Variants in LAMA5 observed in about 807,000 individuals in gnomAD.
LAMA5 encodes the protein laminin subunit alpha 5, also known as laminin subunit alpha-5.
Under a neutral mutation model 433.4 loss-of-function variants are expected in LAMA5, and 260 were observed. The ratio of observed to expected loss-of-function variants is 0.60; its 90% CI spans 0.54 to 0.66. The LOEUF is 0.66. Among genes scored for constraint, LAMA5 ranks in the 30% least tolerant of loss-of-function variants. The probability of loss-of-function intolerance (pLI) is 0.00; values close to 1 mark genes in which losing one functional copy is unlikely to be tolerated. For missense variants in LAMA5, 5,378 were observed against 5,258.5 expected (o/e 1.02, Z -0.70); for synonymous variants, 2,620 against 2,226.6 (o/e 1.18, Z -4.97).
intron 11 of LAMA5, among the ~76,000 whole-genome samples, chr20:62,344,540 C>G (rs963996486): frequency 2.6e-5 from 4 of 151,992 alleles, no homozygotes; most frequent in African/African-American, 4.8e-5. Context: ...CTCACTGCAA[C>G]CAGGTTCAAA....
intron 2 of LAMA5, among the ~76,000 whole-genome samples, chr20:62,360,108 C>A (rs964742956): frequency 6.6e-5 from 10 of 151,096 alleles, no homozygotes; most frequent in African/African-American, 1.9e-4. Flanking sequence ...TTCCCCACCC[C>A]ACTCCAGGGA....
Position 62,311,757 on chromosome 20 carries a change from G to C in LAMA5, c.9663C>G (p.Leu3221=), listed in dbSNP as rs1166220798. 1.9e-6 allele frequency: 3 copies of C among 1,561,466 alleles called. No individual in the cohort carries two copies. Among genetic ancestry groups the C allele is most frequent in the African/African-American group, 1.4e-5 (1 of 73,682 alleles). ...TGVWLYVDDQ[L]QQMKPHRGPP... is the part of the protein sequence containing the mutation. ...GTCCCCGGTGGGGCTTCATCTGCTG[G>C]AGCTGGTCATCGACATACAGCCAGA... The change falls in exon 71 of 80, where the codon CTC becomes CTG. Residue 3221 remains leucine, a synonymous_variant. Coordinates refer to ENST00000252999, the MANE Select transcript of LAMA5 (RefSeq NM_005560.6).
At position 62,313,911 on chromosome 20, in the gene LAMA5, G is replaced by A. The variant is rs545391688; in HGVS notation, c.8505-109C>T. 1.5e-4 allele frequency: 148 copies of A among 999,220 alleles called. No homozygotes were observed. In the East Asian group the frequency reaches 3.8e-3, roughly 26 times the overall value. The allele number at this position is 999,220 out of a possible 1,614,324, so 61.9% of individuals were successfully genotyped here. A position where few individuals can be genotyped will look rare whatever the true frequency, so the allele number is the denominator to read the frequency against. Reference sequence around the variant, plus strand: ...TGGGCACGGAGAGATGAGGGGTGGCGAGTGGGCACGGAGAGACGAGGGGTG... The same window carrying A: ...TGGGCACGGAGAGATGAGGGGTGGCAAGTGGGCACGGAGAGACGAGGGGTG... On this transcript the variant is annotated intron_variant, in intron 62 of 79. Transcript: ENST00000252999.
rs767176285 is a variant in LAMA5, at chr20:62,311,091, G to A, written c.10092C>T (p.Pro3364=). The A allele has an allele frequency of 6.3e-6, 10 of 1,575,076 alleles. No homozygotes were observed. The highest frequency in any genetic ancestry group is 7.8e-6 in the Non-Finnish European group (9 of 1,158,820). The change falls in exon 74 of 80, where the codon CCC becomes CCT. Residue 3364 remains proline, a synonymous_variant. Transcript: ENST00000252999. Reference sequence around the variant, plus strand: ...GCGGGAGGACGTGCATGGAGAGACTGGGCCTGGAAGCGGAGCTGGCGTCAG... The same window carrying A: ...GCGGGAGGACGTGCATGGAGAGACTAGGCCTGGAAGCGGAGCTGGCGTCAG... ...VGILARHRNW[P]SLSMHVLPRS...
At chr20:62,357,842 C>A (rs184638952) in intron 2 of LAMA5, among the ~76,000 whole-genome samples, 1 of 152,202 alleles carries the variant, frequency 6.6e-6, no homozygotes, top group Non-Finnish European at 1.5e-5. Context: ...CGCACCTCAA[C>A]AGAGCTGGGC....
intron 11 of LAMA5, among the ~76,000 whole-genome samples, chr20:62,344,818 A>G (rs1426383109): frequency 6.6e-6 from 1 of 151,898 alleles, no homozygotes; most frequent in Non-Finnish European, 1.5e-5. Context: ...TAGATTTCCA[A>G]CCACTGGGGG....
intron 28 of LAMA5, among the ~76,000 whole-genome samples, chr20:62,332,051 C>CA (rs1160149059): frequency 0.014 from 1,597 of 113,156 alleles, 15 homozygotes; most frequent in East Asian, 0.046. Flanking sequence ...GACTCCATTT[C>CA]AAAAAAAAAA....
Position 62,346,231 on chromosome 20 carries a change from A to T in LAMA5, c.1283-16T>A. 1 of 1,606,394 alleles carries T rather than the reference A, an allele frequency of 6.2e-7. No individual in the cohort carries two copies. ...CAGTTGCAGCCTGGGCAGGGGCAGGAGCCGGGTAAGCCTGGAGCTACCAGG... is the reference window on the plus strand; with the variant it reads ...CAGTTGCAGCCTGGGCAGGGGCAGGTGCCGGGTAAGCCTGGAGCTACCAGG... On this transcript the variant is annotated splice_polypyrimidine_tract_variant and intron_variant, in intron 9 of 79. Transcript: ENST00000252999.
chr20:62,359,303 C>T lies in LAMA5; in HGVS notation c.450+3097G>A, dbSNP rs543560208. ...AGAGGGAGGGGACACAGGCCAGAGC[C>T]AGCCCCACTCACCCTGCCCAGCTCC... On this transcript the variant is annotated intron_variant, in intron 2 of 79. Transcript: ENST00000252999. The surrounding 1 kb of genome is among the most constrained non-coding windows in gnomAD (Gnocchi z 4.3). Among the ~76,000 whole-genome samples, 1 of 152,332 alleles carries T rather than the reference C, an allele frequency of 6.6e-6. No individual in the cohort carries two copies. Among genetic ancestry groups the T allele is most frequent in the Non-Finnish European group, 1.5e-5 (1 of 68,024 alleles).
In LAMA5 at chr20:62,326,690, A is replaced by T. The variant is rs573932927; in HGVS notation, c.5285T>A (p.Leu1762Gln). 2 of 1,612,150 alleles carry T rather than the reference A, an allele frequency of 1.2e-6. No homozygotes were observed. The highest frequency in any genetic ancestry group is 1.7e-6 in the Non-Finnish European group (2 of 1,179,456). The stretch of plus-strand genomic sequence containing the variant: ...AGCTCCCCTCACCTCCACCAGCTGC[A>T]GCTGCCCACGGTGAACGTGGCCAGG... ...PTPGHVHRGQ[L>Q]QLVEGNFRHT... Residue 1762 changes from leucine (L) to glutamine (Q), a missense_variant, in exon 40 of 80, where the codon CTG becomes CAG. By Grantham distance (113) the Leu-to-Gln change is moderately radical (BLOSUM62 -2). Coordinates refer to ENST00000252999, the MANE Select transcript of LAMA5 (RefSeq NM_005560.6).
chr20:62,348,028 C>T (rs1052365938), intron 6 of LAMA5, among the ~76,000 whole-genome samples: 4 of 152,220 alleles, frequency 2.6e-5, no homozygotes, highest in Non-Finnish European at 5.9e-5. Flanking sequence ...CCCCAAGTAC[C>T]TATAAGCAAG....
rs1420673359 is a variant in LAMA5, at chr20:62,328,261, G to A, written c.4632C>T (p.Asp1544=). 3 of 1,607,288 alleles carry A rather than the reference G, an allele frequency of 1.9e-6. No homozygotes were observed. The highest frequency in any genetic ancestry group is 2.5e-6 in the Non-Finnish European group (3 of 1,177,506). ...GIQELTDPTC[D]TDSGQCKCRP... ...CTCACTTGCACTGGCCGCTGTCTGTGTCACAGGTAGGGTCTGTGAGCTCCT... is the reference window on the plus strand; with the variant it reads ...CTCACTTGCACTGGCCGCTGTCTGTATCACAGGTAGGGTCTGTGAGCTCCT... The change falls in exon 35 of 80, where the codon GAC becomes GAT. Residue 1544 remains aspartate (D), a synonymous_variant. Coordinates refer to ENST00000252999, the MANE Select transcript of LAMA5 (RefSeq NM_005560.6).
rs752312265 is a variant in LAMA5, at chr20:62,327,947, G to A, written c.4716C>T (p.Pro1572=). 1 of 1,612,578 alleles carries A rather than the reference G, an allele frequency of 6.2e-7. No homozygotes were observed. Among genetic ancestry groups the A allele is most frequent in the Non-Finnish European group, 8.5e-7 (1 of 1,179,938 alleles). ...DTCSPGFHGY[P]RCRPCDCHEA... is the part of the protein sequence containing the mutation. ...CGTGACAGTCACAGGGGCGGCAGCG[G>A]GGGTAGCCATGGAAGCCCGGAGAGC... Residue 1572 remains proline (P), a synonymous_variant, in exon 36 of 80, where the codon CCC becomes CCT. Coordinates refer to ENST00000252999, the MANE Select transcript of LAMA5 (RefSeq NM_005560.6).
At position 62,309,788 on chromosome 20, in the gene LAMA5, T is replaced by A. The variant is rs151158156; in HGVS notation, c.10876A>T (p.Asn3626Tyr). The A allele has an allele frequency of 1.2e-6, 2 of 1,609,134 alleles. No individual in the cohort carries two copies. Among genetic ancestry groups the A allele is most frequent in the African/African-American group, 2.7e-5 (2 of 74,588 alleles). The change falls in exon 79 of 80, where the codon AAC (asparagine) becomes TAC (tyrosine). Residue 3626 changes from asparagine to tyrosine, a missense_variant. Coordinates refer to ENST00000252999, the MANE Select transcript of LAMA5 (RefSeq NM_005560.6). Reference protein sequence around the residue: ...VLRLEVDAQSNHTVGPLLAAA... With the variant: ...VLRLEVDAQSYHTVGPLLAAA... ...GCCAGCAAGGGGCCCACGGTGTGGT[T>A]GCTCTGCGCGTCCACCTCCAGCCGG...
Position 62,359,687 on chromosome 20 carries a change from C to T in LAMA5, c.450+2713G>A, listed in dbSNP as rs1985745837. Among the ~76,000 whole-genome samples, 1 of 152,026 alleles carries T rather than the reference C, an allele frequency of 6.6e-6. No homozygotes were observed. Among genetic ancestry groups the T allele is most frequent in the African/African-American group, 2.4e-5 (1 of 41,374 alleles). On this transcript the variant is annotated intron_variant, in intron 2 of 79. Coordinates refer to ENST00000252999, the MANE Select transcript of LAMA5 (RefSeq NM_005560.6). The surrounding 1 kb of genome is among the most constrained non-coding windows in gnomAD (Gnocchi z 4.3). The stretch of plus-strand genomic sequence containing the variant: ...AGCGCTGGAGCCTCTTCCTGAGGCC[C>T]CACCCTTGGAGAGAGAACCCCTCCA...
chr20:62,327,340 GCTGCCGCTCGTGGGGCACCAC>G lies in LAMA5; in HGVS notation c.4984_5004del (p.Val1662_Gln1668del), dbSNP rs748593355. On this transcript the variant is annotated inframe_deletion, in exon 38 of 80. Coordinates refer to ENST00000252999, the MANE Select transcript of LAMA5 (RefSeq NM_005560.6). ...TCTGCACGGAGCATCTCCGTCCCTGGCTGCCGCTCGTGGGGCACCACCTGCCGGTCAGTGCTCAGCAGCACC... is the reference window on the plus strand; with the variant it reads ...TCTGCACGGAGCATCTCCGTCCCTGGCTGCCGGTCAGTGCTCAGCAGCACC... The G allele has an allele frequency of 8.1e-6, 13 of 1,601,604 alleles. No individual in the cohort carries two copies. Among genetic ancestry groups the G allele is most frequent in the Non-Finnish European group, 9.4e-6 (11 of 1,174,122 alleles).
chr20:62,333,134 G>C lies in LAMA5; in HGVS notation c.3238C>G (p.Leu1080Val), dbSNP rs751754069. 2.7e-6 allele frequency: 4 copies of C among 1,498,702 alleles called. No homozygotes were observed. Among genetic ancestry groups the C allele is most frequent in the Non-Finnish European group, 3.6e-6 (4 of 1,126,456 alleles). The allele number at this position is 1,498,702 out of a possible 1,614,324, so 92.8% of individuals were successfully genotyped here. A position where few individuals can be genotyped will look rare whatever the true frequency, so the allele number is the denominator to read the frequency against. ...ATCAGTGGCGGGTGCGACGGGCTGA[G>C]CTGCTCCGTGGGGCAGGGCCGGGGC... ...SLPRPCPTEQLSPSHPPLITC... is the reference protein window; with the variant it reads ...SLPRPCPTEQVSPSHPPLITC... Residue 1080 changes from leucine (L) to valine (V), a missense_variant, in exon 26 of 80, where the codon CTC (leucine) becomes GTC (valine). Leu to Val is a conservative substitution (Grantham distance 32). Transcript: ENST00000252999.
rs1419876114 is a variant in LAMA5, at chr20:62,317,698, G to A, written c.7320C>T (p.Val2440=). The change falls in exon 54 of 80, where the codon GTC becomes GTT. Residue 2440 remains valine (V), a synonymous_variant. Transcript: ENST00000252999. ...LHAARDTLAS[V]FRLLHSLDQA... Reference sequence around the variant, plus strand: ...GGTCCAGGCTGTGCAGCAATCTGAAGACGCTGGCCAGGGTGTCCCTAGCCG... The same window carrying A: ...GGTCCAGGCTGTGCAGCAATCTGAAAACGCTGGCCAGGGTGTCCCTAGCCG... The A allele has an allele frequency of 5.0e-6, 8 of 1,602,352 alleles. No homozygotes were observed. The Admixed American group carries it at 5.1e-5, about 10-fold the overall frequency.
chr20:62,327,070 C>T, intron 38 of LAMA5, 104 bp from the exon 39 acceptor site: 1 of 1,103,772 alleles, frequency 9.1e-7, no homozygotes, highest in Non-Finnish European at 1.3e-6. Flanking sequence ...CTGTGCTGGG[C>T]CTGGATACTT....
Sources: allele counts gnomAD v4.1 joint callset (sites outside exome capture counted in the v4.1 genomes callset), GRCh38; gene constraint gnomAD v4.1.1; non-coding constraint Gnocchi (gnomAD v3.1); transcripts MANE v1.5; gene names NCBI Gene and HGNC (gene_info 2026-07-23, HGNC 2026-07-21).